The following RFX5 variants were observed in gnomAD, a reference collection of about 807,000 sequenced individuals.
RFX5 encodes regulatory factor X5, also known as DNA-binding protein RFX5.
Under a neutral mutation model 41.2 loss-of-function variants are expected in RFX5, and 30 were observed. The ratio of observed to expected loss-of-function variants is 0.73; its 90% confidence interval spans 0.54 to 0.99. The LOEUF is 0.99. Among genes scored for constraint, RFX5 ranks in the 50% least tolerant of loss-of-function variants. The pLI is 0.00. For synonymous variants in RFX5, 231 were observed against 291.8 expected (o/e 0.79, Z 2.12); for missense variants, 715 against 773.6 (o/e 0.92, Z 0.90).
chr1:151,342,438 A>G lies in RFX5; in HGVS notation c.1599T>C (p.Gly533=). The G allele has an allele frequency of 1.2e-6, 2 of 1,614,038 alleles. No individual in the cohort carries two copies. Among genetic ancestry groups the G allele is most frequent in the Non-Finnish European group, 1.7e-6 (2 of 1,180,002 alleles). The part of the protein sequence containing the change: ...EAEKGAVLAQ[G]QGDGTVSKGG... Reference sequence around the variant, plus strand: ...CTTTGGAAACAGTACCATCTCCCTGACCCTGGGCAAGTACTGCCCCCTTTT... The same window carrying G: ...CTTTGGAAACAGTACCATCTCCCTGGCCCTGGGCAAGTACTGCCCCCTTTT... The change falls in exon 11 of 11, where the codon GGT becomes GGC. Residue 533 remains glycine (G), a synonymous_variant. Transcript: ENST00000452671.
In RFX5 at chr1:151,344,718, C is replaced by A; in HGVS notation, c.353+10G>T. 1.3e-6 allele frequency: 2 copies of A among 1,558,274 alleles called. No individual in the cohort carries two copies. The highest frequency in any genetic ancestry group is 2.4e-5 in the South Asian group (2 of 84,984). The stretch of plus-strand genomic sequence containing the variant: ...AATCCACTCATCCCACCACCCACCC[C>A]TCCACCCACCGATAGGCATCATAAA... On this transcript the variant is annotated intron_variant, in intron 6 of 10. Coordinates refer to ENST00000452671, the MANE Select transcript of RFX5 (RefSeq NM_001025603.2).
chr1:151,343,904 CCAAT>C (rs1316746723), intron 8 of RFX5, 22 bp from the exon 9 acceptor site: 1 of 1,609,846 alleles, frequency 6.2e-7, no homozygotes, highest in Non-Finnish European at 8.5e-7. Context: ...AAGGACATGC[CCAAT>C]CACACTCCAA....
chr1:151,343,287 G>T (rs986771425), intron 10 of RFX5, 55 bp downstream of exon 10: 1 of 1,606,686 alleles, frequency 6.2e-7, no homozygotes, highest in African/African-American at 1.3e-5. Flanking sequence ...ATTGGAGAAG[G>T]ATATACTAAG....
At chr1:151,345,268 A>G (rs1355085841) in intron 4 of RFX5, 80 bp from the exon 5 acceptor site, 3 of 1,102,670 alleles carry the variant, frequency 2.7e-6, no homozygotes, top group Non-Finnish European at 2.7e-6. Context: ...TCCCCACACC[A>G]AAGTCTAGCT....
At chr1:151,343,477 T>G in intron 9 of RFX5, 35 bp from the exon 10 acceptor site, 1 of 1,565,132 alleles carries the variant, frequency 6.4e-7, no homozygotes, top group Non-Finnish European at 8.8e-7. Context: ...AGAGTGAAGG[T>G]GAGGAGGAAA....
rs1019152855 is a variant in RFX5, at chr1:151,341,245, G to A, written c.*941C>T. 6.6e-6 allele frequency: 1 copy of A among 152,258 alleles called. No individual in the cohort carries two copies. Among genetic ancestry groups the A allele is most frequent in the Non-Finnish European group, 1.5e-5 (1 of 68,078 alleles). The allele number at this position is 152,258 out of a possible 1,614,324, so 9.4% of individuals were successfully genotyped here. ...TAAATGAGACTGAAGAGTCCCTAGA[G>A]GAGAATGGCTTCCCTCTCCTTCCTT... On this transcript the variant is annotated 3_prime_UTR_variant, in exon 11 of 11. Transcript: ENST00000452671.
chr1:151,345,304 A>G, intron 4 of RFX5, 116 bp from the exon 5 acceptor site: 2 of 812,762 alleles, frequency 2.5e-6, no homozygotes, highest in Non-Finnish European at 2.1e-6. Flanking sequence ...AGACTGAAAA[A>G]GGACCTTAGA....
At chr1:151,343,254 G>C (rs1650666567) in intron 10 of RFX5, 76 bp from the exon 11 acceptor site, 1 of 1,609,544 alleles carries the variant, frequency 6.2e-7, no homozygotes, top group African/African-American at 1.3e-5. Flanking sequence ...AGAGGCACAG[G>C]AGGTGGAAAA....
intron 5 of RFX5, 45 bp downstream of exon 5, chr1:151,345,061 C>G: frequency 6.3e-7 from 1 of 1,583,214 alleles, no homozygotes; most frequent in East Asian, 2.2e-5. Flanking sequence ...GAACCTTTCT[C>G]TAAGAATCAG....
Position 151,342,850 on chromosome 1 carries a change from G to A in RFX5, c.1187C>T (p.Pro396Leu). Reference sequence around the variant, plus strand: ...CCCAGGTGGAGCTCGCCCAGGCCCAGGTCCAGGTCCAGGCAAAGCAGGAAC... The same window carrying A: ...CCCAGGTGGAGCTCGCCCAGGCCCAAGTCCAGGTCCAGGCAAAGCAGGAAC... ...PTVPALPGPGPGPGRAPPGGL... is the reference protein window; with the variant it reads ...PTVPALPGPGLGPGRAPPGGL... Residue 396 changes from proline to leucine, a missense_variant, in exon 11 of 11, where the codon CCT (proline) becomes CTT (leucine). By Grantham distance (98) the Pro-to-Leu change is moderately conservative. Coordinates refer to ENST00000452671, the MANE Select transcript of RFX5 (RefSeq NM_001025603.2). 1.2e-6 allele frequency: 2 copies of A among 1,614,140 alleles called. No individual in the cohort carries two copies. The highest frequency in any genetic ancestry group is 1.7e-6 in the Non-Finnish European group (2 of 1,179,996).
At chr1:151,343,979 C>T (rs901480846) in intron 8 of RFX5, 97 bp from the exon 9 acceptor site, 3 of 1,365,398 alleles carry the variant, frequency 2.2e-6, no homozygotes, top group Non-Finnish European at 2.0e-6. Context: ...AAAGCTGAGA[C>T]CAGACTGGGG....
rs146849479 is a variant in RFX5, at chr1:151,342,333, G to C, written c.1704C>G (p.Ile568Met). The C allele has an allele frequency of 1.9e-6, 3 of 1,613,988 alleles. No individual in the cohort carries two copies. Among genetic ancestry groups the C allele is most frequent in the Non-Finnish European group, 2.5e-6 (3 of 1,180,022 alleles). Residue 568 changes from isoleucine to methionine, a missense_variant, in exon 11 of 11, where the codon ATC becomes ATG. Transcript: ENST00000452671. ...CCTCCTTTTGGCTTCTGCTGCCCTT[G>C]ATGACACTCACTTTTGAGGGGACCA... is the stretch of plus-strand genomic sequence containing the variant. ...IPLVPSKVSVIKGSRSQKEAF... is the reference protein window; with the variant it reads ...IPLVPSKVSVMKGSRSQKEAF...
In RFX5 at chr1:151,344,526, C is replaced by T; in HGVS notation, c.364G>A (p.Glu122Lys). Residue 122 changes from glutamate to lysine, a missense_variant, in exon 7 of 11, where the codon GAG becomes AAG. Physicochemically the swap from Glu to Lys is moderately conservative, Grantham distance 56 (BLOSUM62 1). Coordinates refer to ENST00000452671, the MANE Select transcript of RFX5 (RefSeq NM_001025603.2). ...AGTGGGCGGCAACAGGCAAGACTCT[C>T]ACAGTACTTCCTGAGTGAGAGGGGA... is the stretch of plus-strand genomic sequence containing the variant. ...SVYDAYRKYC[E>K]SLACCRPLST... The T allele has an allele frequency of 6.2e-7, 1 of 1,614,232 alleles. No homozygotes were observed. The highest frequency in any genetic ancestry group is 8.5e-7 in the Non-Finnish European group (1 of 1,180,046).
rs1183020275 is a variant in RFX5, at chr1:151,342,673, A to G, written c.1364T>C (p.Ile455Thr). Residue 455 changes from isoleucine to threonine, a missense_variant, in exon 11 of 11, where the codon ATA (isoleucine) becomes ACA (threonine). Coordinates refer to ENST00000452671, the MANE Select transcript of RFX5 (RefSeq NM_001025603.2). ...APPAKAAKQD[I>T]EDTASDAKRK... ...TTTGGCATCACTTGCTGTATCCTCT[A>G]TATCCTGCTTTGCTGCTTTAGCTGG... 3.1e-6 allele frequency: 5 copies of G among 1,614,148 alleles called. No individual in the cohort carries two copies. The South Asian group carries it at 3.3e-5, about 11-fold the overall frequency.
In RFX5 at chr1:151,341,725, A is replaced by C. The variant is rs1040812339; in HGVS notation, c.*461T>G. ...TAAATGGTCCTACAGAAGATGCAAC[A>C]GTGAGAAAAAAGTCAGTCCGGTATT... On this transcript the variant is annotated 3_prime_UTR_variant, in exon 11 of 11. Coordinates refer to ENST00000452671, the MANE Select transcript of RFX5 (RefSeq NM_001025603.2). The C allele has an allele frequency of 1.4e-5, 4 of 293,176 alleles. No homozygotes were observed. The highest frequency in any genetic ancestry group is 6.7e-6 in the Non-Finnish European group (1 of 149,274). The allele number at this position is 293,176 out of a possible 1,614,324, so 18.2% of individuals were successfully genotyped here. A position where few individuals can be genotyped will look rare whatever the true frequency, so the allele number is the denominator to read the frequency against.
At position 151,342,978 on chromosome 1, in the gene RFX5, G is replaced by A; in HGVS notation, c.1059C>T (p.Pro353=). 6.8e-6 allele frequency: 11 copies of A among 1,614,110 alleles called. No individual in the cohort carries two copies. Among genetic ancestry groups the A allele is most frequent in the Non-Finnish European group, 9.3e-6 (11 of 1,179,994 alleles). The change falls in exon 11 of 11, where the codon CCC becomes CCT. Residue 353 remains proline, a synonymous_variant. Transcript: ENST00000452671. ...CTTTCAGGGCACCTGAAGAAAGCCT[G>A]GGGGCCAGAATAGGTGGAGAGACTG... The part of the protein sequence containing the change: ...PIPVSPPILA[P]RLSSGALKVA...
rs759628161 is a variant in RFX5, at chr1:151,344,279, C to T, written c.474-1G>A. 1.9e-6 allele frequency: 3 copies of T among 1,614,192 alleles called. No homozygotes were observed. Among genetic ancestry groups the T allele is most frequent in the Non-Finnish European group, 2.5e-6 (3 of 1,180,024 alleles). ...CCTCCTTATGCCACTGTAGCAATAT[C>T]TGATGCAAGTTAAAGAGCAGCCAAC... On this transcript the variant is annotated splice_acceptor_variant, in intron 7 of 10. Transcript: ENST00000452671. LOFTEE classifies it high-confidence loss of function.
In RFX5 at chr1:151,342,008, C is replaced by T; in HGVS notation, c.*178G>A. The T allele has an allele frequency of 1.2e-6, 1 of 824,146 alleles. No individual in the cohort carries two copies. The highest frequency in any genetic ancestry group is 1.7e-5 in the African/African-American group (1 of 59,214). The allele number at this position is 824,146 out of a possible 1,614,324, so 51.1% of individuals were successfully genotyped here. A position where few individuals can be genotyped will look rare whatever the true frequency, so the allele number is the denominator to read the frequency against. On this transcript the variant is annotated 3_prime_UTR_variant, in exon 11 of 11. Transcript: ENST00000452671. ...TTACACTAAAGCCCAGGGTATCAAG[C>T]TGAAAAGGTCAGAGGCAGCAACCAG...
rs777478021 is a variant in RFX5, at chr1:151,342,877, G to C, written c.1160C>G (p.Thr387Ser). Residue 387 changes from threonine to serine, a missense_variant, in exon 11 of 11, where the codon ACT (threonine) becomes AGT (serine). Thr to Ser is a moderately conservative substitution (Grantham distance 58, BLOSUM62 1). Transcript: ENST00000452671. ...TCCAGGTCCAGGCAAAGCAGGAACA[G>C]TTGGTAAGATCATGTTAATGATGGG... is the stretch of plus-strand genomic sequence containing the variant. The part of the protein sequence containing the change: ...AVPIINMILP[T>S]VPALPGPGPG... 1 of 1,614,214 alleles carries C rather than the reference G, an allele frequency of 6.2e-7. No individual in the cohort carries two copies. The highest frequency in any genetic ancestry group is 8.5e-7 in the Non-Finnish European group (1 of 1,180,042).
Sources: gnomAD v4.1 joint callset for allele counts on GRCh38, gnomAD v4.1.1 for gene constraint, MANE v1.5 for transcripts, NCBI Gene and HGNC (gene_info 2026-07-23, HGNC 2026-07-21) for gene names.